The following NCKAP5 variants were observed in gnomAD, a reference collection of about 807,000 sequenced individuals.
NCKAP5 encodes the protein nck-associated protein 5.
In NCKAP5, 92 loss-of-function variants were observed where a neutral mutation model predicts 167.0. The observed-to-expected ratio is 0.55, with a 90% CI of 0.47 to 0.66. The LOEUF (loss-of-function observed/expected upper bound fraction) is 0.66. NCKAP5 is among the 30% of genes least tolerant of loss of function. The probability of loss-of-function intolerance (pLI) is 0.00; values close to 1 mark genes in which losing one functional copy is unlikely to be tolerated. For missense variants in NCKAP5, 2,378 were observed against 2,315.0 expected (o/e 1.03, Z -0.56); for synonymous variants, 891 against 877.4 (o/e 1.02, Z -0.27).
At chr2:132,976,900 C>A (rs1284990684) in intron 7 of NCKAP5, among the ~76,000 whole-genome samples, 4 of 151,976 alleles carry the variant, frequency 2.6e-5, no homozygotes, top group Admixed American at 1.3e-4. Context: ...GTGTGTGTGG[C>A]AATTGCTGGC....
chr2:133,625,740 G>A, the NCKAP5 span, among the ~76,000 whole-genome samples: 1 of 151,722 alleles, frequency 6.6e-6, no homozygotes, highest in Non-Finnish European at 1.5e-5. Context: ...GCGTAGTGGC[G>A]GGCACCTGTA....
intron 8 of NCKAP5, among the ~76,000 whole-genome samples, chr2:132,940,014 A>G (rs1441401420): frequency 6.6e-6 from 1 of 152,098 alleles, no homozygotes; most frequent in Non-Finnish European, 1.5e-5. Flanking sequence ...GTATATATAC[A>G]TAGTAGTCTT....
chr2:132,894,341 C>T (rs1341458058), intron 8 of NCKAP5, among the ~76,000 whole-genome samples: 6 of 152,158 alleles, frequency 3.9e-5, no homozygotes, highest in South Asian at 2.1e-4. Context: ...TCTGGGTCTC[C>T]GCCAGGGCGA....
At chr2:133,146,253 A>AAAGCAACATCTAGATAAAATGGGAGGG (rs1354576781) in intron 5 of NCKAP5, among the ~76,000 whole-genome samples, 1 of 151,988 alleles carries the variant, frequency 6.6e-6, no homozygotes, top group Non-Finnish European at 1.5e-5. Context: ...GATAAAATTA[A>AAAGCAACATCTAGATAAAATGGGAGGG]AAGCAACATC....
At chr2:133,196,622 A>G (rs901624129) in intron 5 of NCKAP5, among the ~76,000 whole-genome samples, 2 of 152,156 alleles carry the variant, frequency 1.3e-5, no homozygotes, top group Non-Finnish European at 2.9e-5. Flanking sequence ...AGGAAACCAG[A>G]ATTAGAAGTT....
chr2:132,692,184 C>T (rs994077736), intron 19 of NCKAP5, among the ~76,000 whole-genome samples: 2 of 149,158 alleles, frequency 1.3e-5, no homozygotes, highest in Non-Finnish European at 3.0e-5. Flanking sequence ...ACTCTATTGC[C>T]CAGGCTGGAG....
At chr2:133,556,506 A>G (rs985444163) in intron 2 of NCKAP5, among the ~76,000 whole-genome samples, 1 of 152,218 alleles carries the variant, frequency 6.6e-6, no homozygotes, top group Admixed American at 6.5e-5. Flanking sequence ...GAAACCCATA[A>G]AGATAAATGT....
chr2:132,863,352 G>C (rs978706367), intron 10 of NCKAP5, among the ~76,000 whole-genome samples: 3 of 151,248 alleles, frequency 2.0e-5, no homozygotes, highest in African/African-American at 7.3e-5. Flanking sequence ...GAAGCATACA[G>C]TGTGGATATG....
intron 4 of NCKAP5, among the ~76,000 whole-genome samples, chr2:133,231,565 G>T (rs1004013252): frequency 6.6e-6 from 1 of 152,066 alleles, no homozygotes; most frequent in Non-Finnish European, 1.5e-5. Flanking sequence ...CTATCAAAAG[G>T]CTTTATTTGG....
At chr2:133,479,198 A>G (rs1271791477) in intron 3 of NCKAP5, among the ~76,000 whole-genome samples, 1 of 152,192 alleles carries the variant, frequency 6.6e-6, no homozygotes, top group East Asian at 1.9e-4. Context: ...GGCTGTTAAA[A>G]AGAAGTATAA....
intron 5 of NCKAP5, among the ~76,000 whole-genome samples, chr2:133,208,473 T>A (rs1014618861): frequency 1.3e-5 from 2 of 152,062 alleles, no homozygotes; most frequent in Admixed American, 1.3e-4. Flanking sequence ...ATCAGACAAA[T>A]CCCAATGAGA....
chr2:133,481,811 C>T (rs1415472635), intron 3 of NCKAP5, among the ~76,000 whole-genome samples: 1 of 152,200 alleles, frequency 6.6e-6, no homozygotes, highest in Non-Finnish European at 1.5e-5. Flanking sequence ...GTATGTACCA[C>T]ATTTTCTTTA....
intron 2 of NCKAP5, among the ~76,000 whole-genome samples, chr2:133,548,402 G>C (rs1435717045): frequency 6.6e-6 from 1 of 150,740 alleles, no homozygotes; most frequent in Non-Finnish European, 1.5e-5. Flanking sequence ...TCCTCGAGAA[G>C]AGCAACTCCA....
chr2:133,059,243 T>A (rs1249995142), intron 6 of NCKAP5, among the ~76,000 whole-genome samples: 1 of 152,064 alleles, frequency 6.6e-6, no homozygotes, highest in Non-Finnish European at 1.5e-5. Context: ...GAGCTTGCAG[T>A]GAGCCGAGAT....
chr2:132,885,379 T>A (rs1464247360), intron 8 of NCKAP5, among the ~76,000 whole-genome samples: 3 of 151,946 alleles, frequency 2.0e-5, no homozygotes, highest in South Asian at 2.1e-4. Flanking sequence ...TAAATAAGTA[T>A]GTTATTAAAG....
the NCKAP5 span, among the ~76,000 whole-genome samples, chr2:133,669,915 T>C: frequency 6.6e-6 from 1 of 152,220 alleles, no homozygotes; most frequent in Non-Finnish European, 1.5e-5. Context: ...TCTGTATGGA[T>C]ATCTCAGTCC....
chr2:133,042,835 C>G (rs2079260012), intron 6 of NCKAP5, among the ~76,000 whole-genome samples: 1 of 152,160 alleles, frequency 6.6e-6, no homozygotes, highest in South Asian at 2.1e-4. Flanking sequence ...TCTTTTCTCT[C>G]TATTTCATCT....
intron 7 of NCKAP5, among the ~76,000 whole-genome samples, chr2:132,977,500 C>T (rs35916466): frequency 0.027 from 4,051 of 152,170 alleles, 67 homozygotes; most frequent in Non-Finnish European, 0.04. Context: ...AAATAGTTGT[C>T]TTCCCTAAGA....
intron 3 of NCKAP5, among the ~76,000 whole-genome samples, chr2:133,357,223 T>G (rs994838242): frequency 2.0e-5 from 3 of 151,866 alleles, no homozygotes; most frequent in African/African-American, 7.3e-5. Flanking sequence ...CTATTTCTTG[T>G]AGATTCTTCC....
Sources: gnomAD v4.1 joint callset for allele counts (sites outside exome capture counted in the v4.1 genomes callset) on GRCh38, gnomAD v4.1.1 for gene constraint, MANE v1.5 for transcripts, NCBI Gene and HGNC (gene_info 2026-07-23, HGNC 2026-07-21) for gene names.